SWI5: variants seen among roughly 807,000 people sequenced by gnomAD.
SWI5 encodes SWI5 homologous recombination repair protein, also known as DNA repair protein SWI5 homolog.
Under a neutral mutation model 17.0 loss-of-function variants are expected in SWI5, and 12 were observed. The observed-to-expected ratio is 0.71, with a 90% CI of 0.45 to 1.14. SWI5 has a LOEUF of 1.14. SWI5 is among the 50% of genes most tolerant of loss of function. SWI5 has a pLI of 0.00. For missense variants in SWI5, 158 were observed against 162.2 expected, an observed-to-expected ratio of 0.97 and a Z score of 0.14; for synonymous variants, 61 against 64.0, an observed-to-expected ratio of 0.95 and a Z score of 0.22.
chr9:128,276,465 CCCTT>C (rs1435474830), intron 1 of SWI5, 63 bp downstream of exon 1: 10 of 1,588,276 alleles, frequency 6.3e-6, no homozygotes, highest in Non-Finnish European at 7.7e-6. Context: ...CCCAGACTCT[CCCTT>C]CCCAGAAATC....
chr9:128,276,740 G>A (rs754121078), exon 2 of SWI5: 2 of 1,612,896 alleles, frequency 1.2e-6, no homozygotes, highest in South Asian at 2.2e-5. Context: ...GTTGCCGCGG[G>A]GCCTTCCGAT....
exon 1 of SWI5, chr9:128,276,394 G>A (rs1438415538): frequency 6.2e-7 from 1 of 1,612,790 alleles, no homozygotes; most frequent in Non-Finnish European, 8.5e-7. Flanking sequence ...GGACCCCAGG[G>A]CTCAGGAGGT....
At chr9:128,275,841 A>G, upstream of SWI5, 2 of 950,742 alleles carry the variant, frequency 2.1e-6, no homozygotes, top group East Asian at 2.7e-5. Context: ...TGGTCCTGCC[A>G]TCGGAGTGGG....
chr9:128,275,981 G>T, upstream of SWI5: 1 of 1,599,192 alleles, frequency 6.3e-7, no homozygotes, highest in Non-Finnish European at 8.5e-7. Context: ...CCACATCAGC[G>T]CGATCCCGGC....
chr9:128,276,245 C>T (rs1831362303), exon 1 of SWI5: 2 of 1,612,678 alleles, frequency 1.2e-6, no homozygotes, highest in Non-Finnish European at 1.7e-6. Flanking sequence ...GGCCGGCTTT[C>T]CTTGGGTGCG....
chr9:128,287,094 T>G lies in SWI5; in HGVS notation c.328+1061T>G, dbSNP rs372157673. On this transcript the variant is annotated intron_variant, in intron 4 of 4. Coordinates refer to ENST00000418976, the Ensembl canonical transcript of SWI5. The stretch of plus-strand genomic sequence containing the variant: ...AGGCAGAGGTTGTGGTGAGCTGAGA[T>G]CATGCCATTGCACTCCAGCCTGGGC... 6.9e-4 allele frequency among the ~76,000 whole-genome samples: 91 copies of G among 132,804 alleles called. 2 individuals carry two copies. In the South Asian group the frequency reaches 0.021, roughly 31 times the overall value. 87.1% of individuals were successfully genotyped at this position (132,804 alleles called of 152,430 possible). A position where few individuals can be genotyped will look rare whatever the true frequency, so the allele number is the denominator to read the frequency against.
Position 128,283,655 on chromosome 9 carries a change from G to C in SWI5, c.112-855G>C, listed in dbSNP as rs116183630. 4.8e-3 allele frequency among the ~76,000 whole-genome samples: 730 copies of C among 152,340 alleles called. 5 individuals carry two copies. Among genetic ancestry groups the C allele is most frequent in the African/African-American group, 0.017 (706 of 41,578 alleles). ...GAGTGAAAGAAAACCCCAAATAACA[G>C]TGGTTTAAACAGTTCATTGGCACCC... On this transcript the variant is annotated intron_variant, in intron 2 of 4. Coordinates refer to ENST00000418976, the Ensembl canonical transcript of SWI5.
rs1831620750 is a variant in SWI5, at chr9:128,285,343, G to C, written c.234-596G>C. On this transcript the variant is annotated intron_variant, in intron 3 of 4. Transcript: ENST00000418976. The surrounding 1 kb of genome is among the most constrained non-coding windows in gnomAD (Gnocchi z 4.8). The stretch of plus-strand genomic sequence containing the variant: ...GGAAGGACTATGCTTCTGGATTCAG[G>C]ACATAGCAGCAGCCTCTCAGGTAGG... Among the ~76,000 whole-genome samples the C allele has an allele frequency of 6.6e-6, 1 of 152,198 alleles. No individual in the cohort carries two copies. The highest frequency in any genetic ancestry group is 2.4e-5 in the African/African-American group (1 of 41,462).
chr9:128,286,024 G>A, exon 4 of SWI5: 1 of 1,613,212 alleles, frequency 6.2e-7, no homozygotes, highest in Non-Finnish European at 8.5e-7. Flanking sequence ...GATGCTGATG[G>A]GCAAACTAGG....
At position 128,284,463 on chromosome 9, in the gene SWI5, T is replaced by C. The variant is rs758787605; in HGVS notation, c.112-47T>C. On this transcript the variant is annotated intron_variant, in intron 2 of 4. Coordinates refer to ENST00000418976, the Ensembl canonical transcript of SWI5. The stretch of plus-strand genomic sequence containing the variant: ...TACTGGGGGACATGTAGGCTGTGAA[T>C]TGTGGATAACTGGTCAGTCTGGCTG... 5.0e-6 allele frequency: 8 copies of C among 1,597,014 alleles called. No homozygotes were observed. The South Asian group carries it at 7.8e-5, about 16-fold the overall frequency.
intron 4 of SWI5, among the ~76,000 whole-genome samples, chr9:128,287,989 G>A (rs548266837): frequency 6.6e-6 from 1 of 152,284 alleles, no homozygotes; most frequent in South Asian, 2.1e-4. Flanking sequence ...TTGTTTTCCT[G>A]TTAGGGGTGG....
upstream of SWI5, chr9:128,275,517 G>A: frequency 7.7e-7 from 1 of 1,302,304 alleles, no homozygotes; most frequent in Non-Finnish European, 9.8e-7. Context: ...AGTCTGGAGC[G>A]GGGGGCCCCG....
Position 128,276,276 on chromosome 9 carries a change from A to T in SWI5, c.-65A>T, listed in dbSNP as rs761380968. Reference sequence around the variant, plus strand: ...GTGCGCGCGCAGCTTTCTGTGCGCCAGTTCACACTCCGGGTCAGAGTTCCT... The same window carrying T: ...GTGCGCGCGCAGCTTTCTGTGCGCCTGTTCACACTCCGGGTCAGAGTTCCT... On this transcript the variant is annotated 5_prime_UTR_variant, in exon 1 of 5. Coordinates refer to ENST00000418976, the Ensembl canonical transcript of SWI5. 9.3e-6 allele frequency: 15 copies of T among 1,612,746 alleles called. No homozygotes were observed. In the East Asian group the frequency reaches 3.1e-4, roughly 34 times the overall value.
chr9:128,275,951 G>A (rs374049328), upstream of SWI5: 1 of 1,595,724 alleles, frequency 6.3e-7, no homozygotes, highest in Admixed American at 1.8e-5. Flanking sequence ...CGCGGGGCGG[G>A]GAGGGAGGCG....
chr9:128,288,666 G>A (rs369948846), exon 5 of SWI5: 2 of 1,614,046 alleles, frequency 1.2e-6, no homozygotes, highest in East Asian at 2.2e-5. Flanking sequence ...GATCCGAGGT[G>A]TCACCACCAA....
At chr9:128,288,882 G>T in exon 5 of SWI5, 1 of 700,210 alleles carries the variant, frequency 1.4e-6, no homozygotes, top group Non-Finnish European at 2.4e-6. Context: ...AGAAGAGGCG[G>T]GCAGGGAGGA....
intron 2 of SWI5, among the ~76,000 whole-genome samples, chr9:128,282,431 A>G (rs1831555429): frequency 6.6e-6 from 1 of 152,090 alleles, no homozygotes; most frequent in Admixed American, 6.6e-5. Context: ...AAAAATCAGG[A>G]AAAAGGGATA....
In SWI5 at chr9:128,276,327, C is replaced by T. The variant is rs747263258; in HGVS notation, c.-14C>T. On this transcript the variant is annotated 5_prime_UTR_variant, in exon 1 of 5. Transcript: ENST00000418976. The stretch of plus-strand genomic sequence containing the variant: ...GGCCCGGTGCACCTGAGAGGTCGCT[C>T]TCCGACTCCCGCGCTGGACCCTCTT... 1.2e-5 allele frequency: 19 copies of T among 1,613,086 alleles called. No homozygotes were observed. In the African/African-American group the frequency reaches 2.5e-4, roughly 22 times the overall value.
intron 1 of SWI5, 29 bp downstream of exon 1, chr9:128,276,431 T>G: frequency 6.2e-7 from 1 of 1,608,412 alleles, no homozygotes; most frequent in Non-Finnish European, 8.5e-7. Flanking sequence ...CCACAGTTTC[T>G]TTCCTGACTC....
Sources: allele counts gnomAD v4.1 joint callset (sites outside exome capture counted in the v4.1 genomes callset), GRCh38; gene constraint gnomAD v4.1.1; non-coding constraint Gnocchi (gnomAD v3.1); transcripts MANE v1.5; gene names NCBI Gene and HGNC (gene_info 2026-07-23, HGNC 2026-07-21).